PTPRE: variants seen among roughly 807,000 people sequenced by gnomAD.
PTPRE encodes protein tyrosine phosphatase receptor type E, also known as receptor-type tyrosine-protein phosphatase epsilon.
PTPRE carries 51 observed loss-of-function variants against 102.0 expected under a neutral mutation model. The observed-to-expected ratio is 0.50, with a 90% CI of 0.40 to 0.63. The LOEUF is 0.63. Among genes scored for constraint, PTPRE ranks in the 30% least tolerant of loss-of-function variants. The pLI, the probability that PTPRE is intolerant of heterozygous loss-of-function variation, is 0.00. For synonymous variants in PTPRE, 345 were observed against 348.2 expected, an observed-to-expected ratio of 0.99 and a Z score of 0.10; for missense variants, 752 against 915.1, an observed-to-expected ratio of 0.82 and a Z score of 2.30.
chr10:127,949,581 A>T (rs1251634158), intron 1 of PTPRE, among the ~76,000 whole-genome samples: 1 of 152,194 alleles, frequency 6.6e-6, no homozygotes, highest in Non-Finnish European at 1.5e-5. Flanking sequence ...GATACGTTTG[A>T]ACATTTGAGG....
Position 127,919,442 on chromosome 10 carries a change from G to A in PTPRE, c.-31+12133G>A, listed in dbSNP as rs55951744. On this transcript the variant is annotated intron_variant, in intron 1 of 20. Transcript: ENST00000254667. ...GAAAGGGAGACTTGCCCAGGGGCAC[G>A]CTGCCTGCTCCTGCCACCCGTGGGC... 3.6e-3 allele frequency among the ~76,000 whole-genome samples: 550 copies of A among 152,328 alleles called. 9 individuals carry two copies. Among genetic ancestry groups the A allele is most frequent in the African/African-American group, 0.012 (518 of 41,570 alleles).
chr10:127,975,739 G>A (rs1044417297), intron 1 of PTPRE, among the ~76,000 whole-genome samples: 6 of 152,174 alleles, frequency 3.9e-5, no homozygotes, highest in East Asian at 1.9e-4. Flanking sequence ...TACCATTAGC[G>A]TCAGGCACCC....
intron 13 of PTPRE, 121 bp downstream of exon 13, chr10:128,069,948 T>A: frequency 6.7e-7 from 1 of 1,484,244 alleles, no homozygotes; most frequent in Non-Finnish European, 9.3e-7. Context: ...GGGCCTGGCC[T>A]GGCTTCGCTC....
Position 128,077,651 on chromosome 10 carries a change from T to C in PTPRE, c.1760T>C (p.Val587Ala), listed in dbSNP as rs1298323925. The change falls in exon 19 of 21, where the codon GTG (valine) becomes GCG (alanine). Residue 587 changes from valine to alanine, a missense_variant. Transcript: ENST00000254667. ...QARQEEQVRV[V>A]RQFHFHGWPE... is the part of the protein sequence containing the mutation. ...CGCCAGGAGGAGCAGGTCCGAGTAGTGCGCCAGTTTCACTTCCACGGCTGG... is the reference window on the plus strand; with the variant it reads ...CGCCAGGAGGAGCAGGTCCGAGTAGCGCGCCAGTTTCACTTCCACGGCTGG... 3 of 1,613,368 alleles carry C rather than the reference T, an allele frequency of 1.9e-6. No homozygotes were observed. The highest frequency in any genetic ancestry group is 2.5e-6 in the Non-Finnish European group (3 of 1,179,530).
chr10:127,943,229 C>T (rs150648619), intron 1 of PTPRE, among the ~76,000 whole-genome samples: 442 of 152,242 alleles, frequency 2.9e-3, no homozygotes, highest in Admixed American at 9.0e-3. Flanking sequence ...TTTTTCTGAG[C>T]GTCACAGTGG....
chr10:127,924,045 C>T (rs893474014), intron 1 of PTPRE, among the ~76,000 whole-genome samples: 2 of 152,086 alleles, frequency 1.3e-5, no homozygotes. Context: ...TAAACTTAAC[C>T]GTGGTGCATG....
At chr10:127,979,810 G>T (rs116166660) in intron 1 of PTPRE, among the ~76,000 whole-genome samples, 2,615 of 152,266 alleles carry the variant, frequency 0.017, 58 homozygotes, top group African/African-American at 0.058. Context: ...GTTTTAGTCT[G>T]GTTTGACTCA....
intron 1 of PTPRE, among the ~76,000 whole-genome samples, chr10:127,917,724 A>G (rs571089127): frequency 6.6e-6 from 1 of 152,100 alleles, no homozygotes; most frequent in Non-Finnish European, 1.5e-5. Context: ...GGTCTAGACA[A>G]TATTCCTAAT....
intron 1 of PTPRE, among the ~76,000 whole-genome samples, chr10:127,921,946 G>A (rs1846639224): frequency 6.6e-6 from 1 of 152,228 alleles, no homozygotes; most frequent in African/African-American, 2.4e-5. Flanking sequence ...CTGAAGCCCT[G>A]TGCTGGGCAG....
At chr10:127,956,235 A>G (rs1849393279) in intron 1 of PTPRE, among the ~76,000 whole-genome samples, 1 of 152,088 alleles carries the variant, frequency 6.6e-6, no homozygotes. Context: ...ATATCTAAAA[A>G]CCTGGTAAAA....
intron 20 of PTPRE, among the ~76,000 whole-genome samples, chr10:128,082,144 C>T (rs1254165212): frequency 4.8e-5 from 7 of 146,176 alleles, no homozygotes; most frequent in Admixed American, 3.4e-4. Flanking sequence ...TTTTATAGAT[C>T]GCTTTATGAA....
At chr10:128,063,757 TG>T (rs1271060847) in intron 10 of PTPRE, among the ~76,000 whole-genome samples, 1 of 152,246 alleles carries the variant, frequency 6.6e-6, no homozygotes, top group Non-Finnish European at 1.5e-5. Flanking sequence ...TCTGCTGTGC[TG>T]GGCCAGCTCT....
intron 1 of PTPRE, among the ~76,000 whole-genome samples, chr10:127,933,485 G>A (rs935962151): frequency 2.0e-5 from 3 of 152,018 alleles, no homozygotes; most frequent in South Asian, 4.2e-4. Context: ...AGCATGCCAC[G>A]CGTTCTGGAT....
At position 128,007,984 on chromosome 10, in the gene PTPRE, G is replaced by C. The variant is rs554023689; in HGVS notation, c.-8+25688G>C. ...CCTCCTACATCCCAATACTGACTTA[G>C]GGATGGAACCCCGAGCTTCTCATCA... On this transcript the variant is annotated intron_variant, in intron 2 of 20. Transcript: ENST00000254667. 2.0e-5 allele frequency among the ~76,000 whole-genome samples: 3 copies of C among 152,280 alleles called. 1 individual carries two copies. The highest frequency in any genetic ancestry group is 7.2e-5 in the African/African-American group (3 of 41,560).
intron 1 of PTPRE, among the ~76,000 whole-genome samples, chr10:127,941,099 C>T (rs190051676): frequency 1.2e-3 from 187 of 152,248 alleles, no homozygotes; most frequent in Admixed American, 2.7e-3. Flanking sequence ...ACATGCAGGC[C>T]GCCTGGGATG....
At chr10:128,003,105 G>A (rs1431712313) in intron 2 of PTPRE, among the ~76,000 whole-genome samples, 2 of 152,200 alleles carry the variant, frequency 1.3e-5, no homozygotes, top group Non-Finnish European at 2.9e-5. Context: ...CAGACACTGG[G>A]TTCAAATCCT....
chr10:128,044,267 G>C (rs1197852556), intron 3 of PTPRE, among the ~76,000 whole-genome samples: 3 of 152,200 alleles, frequency 2.0e-5, no homozygotes, highest in Admixed American at 2.0e-4. Flanking sequence ...TTTCAGTATG[G>C]ACTTGCTCCG....
chr10:128,027,605 G>A (rs768051489), intron 2 of PTPRE, among the ~76,000 whole-genome samples: 7 of 152,212 alleles, frequency 4.6e-5, no homozygotes, highest in East Asian at 1.9e-4. Context: ...GTGGGTCAGC[G>A]CCTGCATGAC....
In PTPRE at chr10:128,061,668, A is replaced by G. The variant is rs200101874; in HGVS notation, c.589-11A>G. The G allele has an allele frequency of 4.4e-6, 7 of 1,580,026 alleles. No individual in the cohort carries two copies. Among genetic ancestry groups the G allele is most frequent in the Non-Finnish European group, 5.1e-6 (6 of 1,166,002 alleles). On this transcript the variant is annotated splice_polypyrimidine_tract_variant and intron_variant, in intron 8 of 20. Transcript: ENST00000254667. ...TCTGAAAAAATATAAATCTGATGTTATTTTTTCTAGGGTTACAAAGAGAAG... is the reference window on the plus strand; with the variant it reads ...TCTGAAAAAATATAAATCTGATGTTGTTTTTTCTAGGGTTACAAAGAGAAG...
Sources: allele counts gnomAD v4.1 joint callset (sites outside exome capture counted in the v4.1 genomes callset), GRCh38; gene constraint gnomAD v4.1.1; transcripts MANE v1.5; gene names NCBI Gene and HGNC (gene_info 2026-07-23, HGNC 2026-07-21).